The following BMAL1 variants were observed in gnomAD, a reference collection of about 807,000 sequenced individuals.
The protein encoded by BMAL1 is basic helix-loop-helix ARNT-like protein 1.
the BMAL1 span, among the ~76,000 whole-genome samples, chr11:13,343,408 G>T: frequency 6.6e-5 from 10 of 152,146 alleles, no homozygotes; most frequent in African/African-American, 2.4e-4. Flanking sequence ...TAATCTCCTC[G>T]ATCTGCTTGC....
the BMAL1 span, chr11:13,366,848 C>A: frequency 7.5e-7 from 1 of 1,330,672 alleles, no homozygotes. Flanking sequence ...CCTGAGTGAG[C>A]AGAGGGCGGG....
At chr11:13,310,482 A>G in the BMAL1 span, among the ~76,000 whole-genome samples, 1 of 152,204 alleles carries the variant, frequency 6.6e-6, no homozygotes, top group Non-Finnish European at 1.5e-5. Context: ...AGTCACGGGC[A>G]AGAACTGTGG....
At chr11:13,351,160 G>A in the BMAL1 span, among the ~76,000 whole-genome samples, 2 of 152,194 alleles carry the variant, frequency 1.3e-5, no homozygotes. Flanking sequence ...GCATTATGTG[G>A]ATATTCAAGG....
chr11:13,366,530 G>A, the BMAL1 span: 4 of 783,270 alleles, frequency 5.1e-6, no homozygotes, highest in Non-Finnish European at 8.5e-6. Flanking sequence ...CATATGTACA[G>A]GTTCACATAG....
chr11:13,355,173 G>A, the BMAL1 span: 12 of 1,518,346 alleles, frequency 7.9e-6, no homozygotes, highest in Non-Finnish European at 1.1e-5. Context: ...GTTTAATGAG[G>A]GAAAATCTCC....
At chr11:13,280,633 C>T in the BMAL1 span, among the ~76,000 whole-genome samples, 1 of 152,180 alleles carries the variant, frequency 6.6e-6, no homozygotes, top group Admixed American at 6.5e-5. Flanking sequence ...CTTTCTAGAC[C>T]TTGAGGTTTC....
At chr11:13,386,162 C>T in the BMAL1 span, among the ~76,000 whole-genome samples, 1 of 152,162 alleles carries the variant, frequency 6.6e-6, no homozygotes, top group Non-Finnish European at 1.5e-5. Context: ...TTGCTTTTCC[C>T]ATCACATCCA....
At chr11:13,277,406 G>A in the BMAL1 span, among the ~76,000 whole-genome samples, 1 of 152,220 alleles carries the variant, frequency 6.6e-6, no homozygotes, top group Non-Finnish European at 1.5e-5. Flanking sequence ...GGAGACCTGA[G>A]GGGAAAGGGA....
the BMAL1 span, among the ~76,000 whole-genome samples, chr11:13,314,868 C>CT: frequency 2.0e-5 from 3 of 152,256 alleles, no homozygotes; most frequent in African/African-American, 7.2e-5. Flanking sequence ...ACTGAGGAGT[C>CT]TAACAAATAG....
At chr11:13,289,586 A>G in the BMAL1 span, among the ~76,000 whole-genome samples, 2 of 152,088 alleles carry the variant, frequency 1.3e-5, no homozygotes, top group Admixed American at 6.5e-5. Context: ...CCCGTGTCCA[A>G]GTGTTCTCAT....
chr11:13,376,659 G>T, the BMAL1 span: 1 of 1,613,970 alleles, frequency 6.2e-7, no homozygotes, highest in Non-Finnish European at 8.5e-7. Flanking sequence ...CCTGGAAGGC[G>T]GGGACCCAAC....
chr11:13,307,172 T>G, the BMAL1 span, among the ~76,000 whole-genome samples: 1 of 152,224 alleles, frequency 6.6e-6, no homozygotes, highest in African/African-American at 2.4e-5. Context: ...TAAAAAAGAC[T>G]GTTTACCATG....
the BMAL1 span, among the ~76,000 whole-genome samples, chr11:13,331,122 T>G: frequency 6.6e-6 from 1 of 152,234 alleles, no homozygotes; most frequent in Non-Finnish European, 1.5e-5. Context: ...CTGGAGCTAC[T>G]GTATTAAACA....
the BMAL1 span, among the ~76,000 whole-genome samples, chr11:13,355,724 TC>T: frequency 7.9e-5 from 12 of 152,182 alleles, no homozygotes; most frequent in African/African-American, 2.7e-4. Flanking sequence ...TTTTTGTCCT[TC>T]CGTGCGGCCT....
At chr11:13,372,549 C>T in the BMAL1 span, 6 of 1,327,748 alleles carry the variant, frequency 4.5e-6, no homozygotes, top group Non-Finnish European at 6.1e-6. Flanking sequence ...GTGGCTCACA[C>T]CTCAAATCCC....
chr11:13,319,426 C>T, the BMAL1 span, among the ~76,000 whole-genome samples: 1 of 152,098 alleles, frequency 6.6e-6, no homozygotes, highest in Non-Finnish European at 1.5e-5. Flanking sequence ...GCCAAATTAC[C>T]CTCCAAAAAG....
At chr11:13,377,233 C>A in the BMAL1 span, among the ~76,000 whole-genome samples, 16 of 152,288 alleles carry the variant, frequency 1.1e-4, no homozygotes, top group East Asian at 3.1e-3. Context: ...ACTCCCACAT[C>A]CACATCTCCT....
the BMAL1 span, among the ~76,000 whole-genome samples, chr11:13,370,185 AT>A: frequency 5.0e-3 from 761 of 152,092 alleles, 5 homozygotes; most frequent in African/African-American, 0.018. Context: ...ATGAAACCAC[AT>A]TCTTCTTCCT....
the BMAL1 span, among the ~76,000 whole-genome samples, chr11:13,383,738 C>CT: frequency 1.3e-5 from 2 of 152,102 alleles, no homozygotes; most frequent in Non-Finnish European, 2.9e-5. Context: ...GTAATCCCAG[C>CT]TACTCCGGGG....
Sources: gnomAD v4.1 joint callset for allele counts (sites outside exome capture counted in the v4.1 genomes callset) on GRCh38, gnomAD v4.1.1 for gene constraint, MANE v1.5 for transcripts, NCBI Gene and HGNC (gene_info 2026-07-23, HGNC 2026-07-21) for gene names.